SCPEP1: variants seen among roughly 807,000 people sequenced by gnomAD.
SCPEP1 encodes the protein serine carboxypeptidase 1.
A neutral mutation model predicts 63.8 loss-of-function variants in SCPEP1; 51 were observed. The observed-to-expected ratio is 0.80, with a 90% CI of 0.64 to 1.01. SCPEP1 has a LOEUF of 1.01. Among genes scored for constraint, SCPEP1 ranks in the 50% least tolerant of loss-of-function variants. The pLI is 0.00. For synonymous variants in SCPEP1, 204 were observed against 207.8 expected, an observed-to-expected ratio of 0.98 and a Z score of 0.16; for missense variants, 499 against 554.9, an observed-to-expected ratio of 0.90 and a Z score of 1.01.
intron 4 of SCPEP1, 58 bp downstream of exon 4, chr17:56,987,908 A>G (rs1429337981): frequency 1.3e-6 from 2 of 1,579,152 alleles, no homozygotes; most frequent in African/African-American, 1.4e-5. Flanking sequence ...CTCTACATCC[A>G]TCAGCATAAA....
intron 8 of SCPEP1, 59 bp downstream of exon 8, chr17:56,995,694 C>T (rs1351150912): frequency 6.4e-7 from 1 of 1,555,182 alleles, no homozygotes; most frequent in Non-Finnish European, 8.7e-7. Flanking sequence ...GGGTACAGGG[C>T]CCATGGTTGG....
intron 2 of SCPEP1, chr17:56,984,284 T>C (rs1167991099): frequency 6.6e-6 from 1 of 152,324 alleles, no homozygotes; most frequent in Non-Finnish European, 1.5e-5. Context: ...GCCATATCCT[T>C]TTATTCTAGG....
Position 56,987,768 on chromosome 17 carries a change from C to T in SCPEP1, c.389C>T (p.Ala130Val). 1 of 1,614,046 alleles carries T rather than the reference C, an allele frequency of 6.2e-7. No homozygotes were observed. The highest frequency in any genetic ancestry group is 8.5e-7 in the Non-Finnish European group (1 of 1,179,960). Reference sequence around the variant, plus strand: ...TTCAGTTATGTGAATGGTAGTGGTGCCTATGCCAAGGACCTGGCTATGGTG... The same window carrying T: ...TTCAGTTATGTGAATGGTAGTGGTGTCTATGCCAAGGACCTGGCTATGGTG... The part of the protein sequence containing the change: ...TGFSYVNGSG[A>V]YAKDLAMVAS... The change falls in exon 4 of 13, where the codon GCC becomes GTC. Residue 130 changes from alanine to valine, a missense_variant. Ala to Val is a moderately conservative substitution (Grantham distance 64). Coordinates refer to ENST00000262288, the MANE Select transcript of SCPEP1 (RefSeq NM_021626.3).
chr17:56,994,891 T>G (rs1272488467), intron 6 of SCPEP1, 90 bp from the exon 7 acceptor site: 3 of 1,208,812 alleles, frequency 2.5e-6, no homozygotes, highest in African/African-American at 3.0e-5. Context: ...TGCTTCTGTC[T>G]CTTTCTTCTT....
chr17:57,004,821 A>G (rs531245777), intron 12 of SCPEP1, among the ~76,000 whole-genome samples: 1 of 152,370 alleles, frequency 6.6e-6, no homozygotes, highest in South Asian at 2.1e-4. Flanking sequence ...GTTGTTAGGC[A>G]TCATATCATT....
chr17:56,984,990 A>G (rs899166451), intron 2 of SCPEP1: 3 of 220,772 alleles, frequency 1.4e-5, no homozygotes, highest in African/African-American at 2.3e-5. Flanking sequence ...TATAGTTCCA[A>G]CTACTTGAGG....
chr17:57,004,025 C>T (rs1353959912), intron 12 of SCPEP1, among the ~76,000 whole-genome samples: 1 of 152,102 alleles, frequency 6.6e-6, no homozygotes, highest in Admixed American at 6.6e-5. Context: ...ATGGAGAAAC[C>T]CTATCTTTAC....
At chr17:57,000,186 T>A (rs1330092682) in intron 10 of SCPEP1, among the ~76,000 whole-genome samples, 2 of 152,096 alleles carry the variant, frequency 1.3e-5, no homozygotes, top group Non-Finnish European at 2.9e-5. Context: ...TAAATTTTTT[T>A]AAAAGAAGAC....
intron 2 of SCPEP1, 98 bp downstream of exon 2, chr17:56,981,328 G>C (rs3095499): frequency 0.73 from 971,797 of 1,334,768 alleles, 358,055 homozygotes; most frequent in East Asian, 0.99. Flanking sequence ...AGTGAAGGGC[G>C]GATTTGGTCC....
intron 3 of SCPEP1, 46 bp from the exon 4 acceptor site, chr17:56,987,649 A>T: frequency 1.3e-6 from 2 of 1,590,656 alleles, no homozygotes; most frequent in Non-Finnish European, 1.7e-6. Flanking sequence ...ATGATTGGTG[A>T]CCAAATGTCT....
At position 56,989,674 on chromosome 17, in the gene SCPEP1, C is replaced by T. The variant is rs141054871; in HGVS notation, c.546+1384C>T. Among the ~76,000 whole-genome samples, 51 of 152,262 alleles carry T rather than the reference C, an allele frequency of 3.3e-4. No homozygotes were observed. In the East Asian group the frequency reaches 7.3e-3, roughly 22 times the overall value. ...CATAAAGAATGGATCCAGGCGGGCG[C>T]GGTGGCTCATGCCTGTAATCCCAGC... is the stretch of plus-strand genomic sequence containing the variant. On this transcript the variant is annotated intron_variant, in intron 5 of 12. Coordinates refer to ENST00000262288, the MANE Select transcript of SCPEP1 (RefSeq NM_021626.3).
At chr17:56,993,727 G>A (rs113546115) in intron 6 of SCPEP1, among the ~76,000 whole-genome samples, 1 of 152,166 alleles carries the variant, frequency 6.6e-6, no homozygotes, top group African/African-American at 2.4e-5. Context: ...GATTACAGGC[G>A]TGAGCCACCG....
At position 56,995,726 on chromosome 17, in the gene SCPEP1, C is replaced by T. The variant is rs1393101508; in HGVS notation, c.786+91C>T. Reference sequence around the variant, plus strand: ...TTGGTGTTGTCAAACTTGGAGTCTACACTGAGGCTCCCCACATATCTGCAA... The same window carrying T: ...TTGGTGTTGTCAAACTTGGAGTCTATACTGAGGCTCCCCACATATCTGCAA... On this transcript the variant is annotated intron_variant, in intron 8 of 12. Coordinates refer to ENST00000262288, the MANE Select transcript of SCPEP1 (RefSeq NM_021626.3). 3 of 1,352,784 alleles carry T rather than the reference C, an allele frequency of 2.2e-6. No individual in the cohort carries two copies. In the African/African-American group the frequency reaches 4.4e-5, roughly 20 times the overall value. 83.8% of individuals were successfully genotyped at this position (1,352,784 alleles called of 1,614,324 possible). A position where few individuals can be genotyped will look rare whatever the true frequency, so the allele number is the denominator to read the frequency against.
intron 2 of SCPEP1, chr17:56,984,031 C>T (rs1911142960): frequency 6.9e-6 from 1 of 144,772 alleles, no homozygotes; most frequent in Admixed American, 7.1e-5. Context: ...GCCTCAGCCC[C>T]CCGAGTAGCT....
In SCPEP1 at chr17:56,985,463, C is replaced by T. The variant is rs752235700; in HGVS notation, c.311C>T (p.Thr104Ile). Residue 104 changes from threonine (T) to isoleucine (I), a missense_variant, in exon 3 of 13, where the codon ACC becomes ATC. Transcript: ENST00000262288. ...AGTGATCTCAAACCACGGAAAACCA[C>T]CTGGGTACAGTGAGGACAGTCCTGA... The part of the protein sequence containing the change: ...LDSDLKPRKT[T>I]WLQAASLLFV... The T allele has an allele frequency of 1.9e-6, 3 of 1,612,980 alleles. No homozygotes were observed. The highest frequency in any genetic ancestry group is 2.5e-6 in the Non-Finnish European group (3 of 1,179,026).
intron 2 of SCPEP1, among the ~76,000 whole-genome samples, 167 bp downstream of exon 2, chr17:56,981,397 C>T (rs1238618675): frequency 6.6e-6 from 1 of 152,176 alleles, no homozygotes; most frequent in Non-Finnish European, 1.5e-5. Flanking sequence ...ATGGTATAGC[C>T]AAGGAGGCTA....
intron 3 of SCPEP1, chr17:56,987,464 T>G: frequency 3.8e-6 from 1 of 261,646 alleles, no homozygotes; most frequent in Non-Finnish European, 6.4e-6. Context: ...TTCCTGCCTC[T>G]CCCTTTTTTT....
intron 6 of SCPEP1, among the ~76,000 whole-genome samples, chr17:56,993,404 G>C (rs113936331): frequency 5.1e-4 from 78 of 152,222 alleles, no homozygotes; most frequent in African/African-American, 1.7e-3. Flanking sequence ...AGTCTGCCCT[G>C]CCGCCTGCTC....
intron 9 of SCPEP1, chr17:56,998,108 C>T (rs1036014939): frequency 4.0e-5 from 13 of 326,284 alleles, no homozygotes; most frequent in Non-Finnish European, 7.8e-5. Context: ...GACAAGAGAT[C>T]GAGACCATCC....
Sources: allele counts gnomAD v4.1 joint callset (sites outside exome capture counted in the v4.1 genomes callset), GRCh38; gene constraint gnomAD v4.1.1; transcripts MANE v1.5; gene names NCBI Gene and HGNC (gene_info 2026-07-23, HGNC 2026-07-21).